The following SNTG1 variants were observed in gnomAD, a reference collection of about 807,000 sequenced individuals.
SNTG1 encodes syntrophin gamma 1.
SNTG1 carries 39 observed loss-of-function variants against 74.7 expected under a neutral mutation model. That is an observed-to-expected ratio of 0.52 (90% CI 0.40 to 0.68). SNTG1 has a LOEUF of 0.68. Among genes scored for constraint, SNTG1 ranks in the 30% least tolerant of loss-of-function variants. SNTG1 has a pLI of 0.00. For missense variants in SNTG1, 685 were observed against 609.5 expected (o/e 1.12, Z -1.30); for synonymous variants, 254 against 217.1 (o/e 1.17, Z -1.49).
chr8:50,565,446 C>T (rs895982317), intron 12 of SNTG1, among the ~76,000 whole-genome samples: 1 of 151,942 alleles, frequency 6.6e-6, no homozygotes, highest in African/African-American at 2.4e-5. Flanking sequence ...CAACTCTGTT[C>T]TATAACTGTA....
chr8:50,664,108 G>T (rs6990102), intron 15 of SNTG1, among the ~76,000 whole-genome samples: 31,256 of 152,174 alleles, frequency 0.21, 3,298 homozygotes, highest in South Asian at 0.31. Flanking sequence ...TGGAGAGAAT[G>T]TAAAGCAACA....
chr8:50,619,053 A>G (rs1305684964), intron 13 of SNTG1, among the ~76,000 whole-genome samples: 2 of 151,986 alleles, frequency 1.3e-5, no homozygotes, highest in Non-Finnish European at 2.9e-5. Context: ...TCCTGCTATC[A>G]TTTTTATAAA....
At chr8:50,602,429 CTTG>C (rs1585814822) in intron 13 of SNTG1, among the ~76,000 whole-genome samples, 1 of 152,034 alleles carries the variant, frequency 6.6e-6, no homozygotes, top group Non-Finnish European at 1.5e-5. Flanking sequence ...AACTTTTTAA[CTTG>C]TTGTTTCTCT....
intron 2 of SNTG1, among the ~76,000 whole-genome samples, chr8:50,343,747 G>T (rs868857025): frequency 1.3e-5 from 2 of 152,088 alleles, no homozygotes; most frequent in Admixed American, 6.5e-5. Context: ...ATTTAAGAGT[G>T]AGCCTATTAG....
At chr8:50,214,910 C>T (rs1017297124) in intron 2 of SNTG1, among the ~76,000 whole-genome samples, 5 of 152,164 alleles carry the variant, frequency 3.3e-5, no homozygotes, top group African/African-American at 7.2e-5. Flanking sequence ...GAAACTGTCT[C>T]GCAACTCAGC....
chr8:50,280,798 G>A (rs1381477193), intron 2 of SNTG1, among the ~76,000 whole-genome samples: 4 of 151,932 alleles, frequency 2.6e-5, no homozygotes, highest in Non-Finnish European at 5.9e-5. Flanking sequence ...ATAACAGATG[G>A]CAAATTTTTC....
At chr8:50,676,085 T>A (rs2095308569) in intron 15 of SNTG1, among the ~76,000 whole-genome samples, 1 of 151,986 alleles carries the variant, frequency 6.6e-6, no homozygotes. Flanking sequence ...ATTTCAACCT[T>A]GGAAAATCTA....
At chr8:50,747,040 T>C (rs958609089) in intron 17 of SNTG1, among the ~76,000 whole-genome samples, 5 of 151,600 alleles carry the variant, frequency 3.3e-5, no homozygotes, top group African/African-American at 1.2e-4. Context: ...GCTATTGTGA[T>C]ATTGGATGAT....
chr8:50,203,632 T>C lies in SNTG1; in HGVS notation c.-28+30997T>C, dbSNP rs1450129. Among the ~76,000 whole-genome samples, 1,287 of 152,264 alleles carry C rather than the reference T, an allele frequency of 8.5e-3. 24 individuals are homozygous for C. The highest frequency in any genetic ancestry group is 0.03 in the African/African-American group (1,233 of 41,560). ...GCGAAAAAAATGTGAAACATATACC[T>C]TTTATTTGGGCATTTGTAATGGTTC... On this transcript the variant is annotated intron_variant, in intron 2 of 18. Transcript: ENST00000642720.
At chr8:50,529,691 A>G (rs1356932503) in intron 9 of SNTG1, among the ~76,000 whole-genome samples, 1 of 152,104 alleles carries the variant, frequency 6.6e-6, no homozygotes, top group Admixed American at 6.6e-5. Context: ...AAAATGTGAT[A>G]ATTTTAATGG....
intron 2 of SNTG1, among the ~76,000 whole-genome samples, chr8:50,266,646 ATGTGTGTGTGTGTG>A (rs748153246): frequency 1.0e-4 from 7 of 69,726 alleles, no homozygotes; most frequent in Admixed American, 5.3e-4. Context: ...ACACAGAATT[ATGTGTGTGTGTGTG>A]TGTGTGTGTG....
At position 50,795,271 on chromosome 8, in the gene SNTG1, A is replaced by C. The variant is rs1284934974; in HGVS notation, c.*2442A>C. On this transcript the variant is annotated 3_prime_UTR_variant, in exon 19 of 19. Coordinates refer to ENST00000642720, the MANE Select transcript of SNTG1 (RefSeq NM_018967.5). ...TAACATGATTAGTACAACAGCCAAA[A>C]AGTAACAAAATACTATTCTCGTTTT... 6.6e-6 allele frequency: 1 copy of C among 152,086 alleles called. No individual in the cohort carries two copies. Among genetic ancestry groups the C allele is most frequent in the East Asian group, 1.9e-4 (1 of 5,194 alleles). 9.4% of individuals were successfully genotyped at this position (152,086 alleles called of 1,614,324 possible).
intron 18 of SNTG1, among the ~76,000 whole-genome samples, chr8:50,774,580 A>G (rs984205803): frequency 2.0e-5 from 3 of 151,894 alleles, no homozygotes; most frequent in African/African-American, 7.2e-5. Context: ...TAGTAAATAT[A>G]CACTACAGAA....
At chr8:49,987,980 G>C (rs1487589186) in intron 1 of SNTG1, among the ~76,000 whole-genome samples, 1 of 151,996 alleles carries the variant, frequency 6.6e-6, no homozygotes, top group African/African-American at 2.4e-5. Flanking sequence ...ACCTTTGCAC[G>C]AACCTAATAT....
intron 1 of SNTG1, among the ~76,000 whole-genome samples, chr8:49,954,687 G>A (rs1371211698): frequency 6.6e-6 from 1 of 152,072 alleles, no homozygotes; most frequent in African/African-American, 2.4e-5. Context: ...AGAGACTGAT[G>A]ACAAAGCTTA....
chr8:50,501,073 C>T (rs1001877769), intron 8 of SNTG1, among the ~76,000 whole-genome samples: 1 of 152,110 alleles, frequency 6.6e-6, no homozygotes, highest in Non-Finnish European at 1.5e-5. Flanking sequence ...TGTTCTGAGG[C>T]CCAGGGGGAA....
chr8:50,141,577 C>A (rs1173694935), intron 1 of SNTG1, among the ~76,000 whole-genome samples: 2 of 152,012 alleles, frequency 1.3e-5, no homozygotes, highest in Non-Finnish European at 2.9e-5. Flanking sequence ...AATTATTTAT[C>A]CATTTAAAAT....
chr8:50,512,900 C>G (rs1485128691), intron 9 of SNTG1, among the ~76,000 whole-genome samples: 2 of 152,058 alleles, frequency 1.3e-5, no homozygotes, highest in African/African-American at 4.8e-5. Flanking sequence ...TCATCTGAAG[C>G]CTTCTTCTCT....
intron 1 of SNTG1, among the ~76,000 whole-genome samples, chr8:50,139,717 G>T (rs753232677): frequency 9.9e-5 from 15 of 152,200 alleles, no homozygotes; most frequent in Non-Finnish European, 1.9e-4. Context: ...TTATCTTAAT[G>T]CACTCCACGG....
Sources: allele counts gnomAD v4.1 joint callset (sites outside exome capture counted in the v4.1 genomes callset), GRCh38; gene constraint gnomAD v4.1.1; transcripts MANE v1.5; gene names NCBI Gene and HGNC (gene_info 2026-07-23, HGNC 2026-07-21).